SCAMP1: variants seen among roughly 807,000 people sequenced by gnomAD.
SCAMP1 encodes secretory carrier membrane protein 1, also known as secretory carrier-associated membrane protein 1.
A neutral mutation model predicts 41.8 loss-of-function variants in SCAMP1; 15 were observed. That is an observed-to-expected ratio of 0.36 (90% CI 0.24 to 0.55). The LOEUF is 0.55. Ranked by LOEUF, SCAMP1 falls within the 20% of genes least tolerant of loss-of-function variation. SCAMP1 has a pLI of 0.86. For synonymous variants in SCAMP1, 135 were observed against 136.8 expected (o/e 0.99, Z 0.09); for missense variants, 341 against 412.6 (o/e 0.83, Z 1.50).
chr5:78,475,795 A>G lies in SCAMP1; in HGVS notation c.*127A>G, dbSNP rs987702537. On this transcript the variant is annotated 3_prime_UTR_variant, in exon 9 of 9. Coordinates refer to ENST00000621999, the MANE Select transcript of SCAMP1 (RefSeq NM_004866.6). ...ATGGATATTTCCTGTTCACTTGTGC[A>G]TGGGCTAAAACCAGGAAAACTTCCT... 2.1e-5 allele frequency: 14 copies of G among 677,330 alleles called. No homozygotes were observed. The highest frequency in any genetic ancestry group is 1.2e-4 in the Admixed American group (3 of 24,150). The allele number at this position is 677,330 out of a possible 1,614,324, so 42.0% of individuals were successfully genotyped here. A position where few individuals can be genotyped will look rare whatever the true frequency, so the allele number is the denominator to read the frequency against.
At chr5:78,453,740 T>G (rs978078440) in intron 7 of SCAMP1, among the ~76,000 whole-genome samples, 77 of 152,310 alleles carry the variant, frequency 5.1e-4, no homozygotes, top group African/African-American at 1.2e-3. Flanking sequence ...TTGGTAGCTT[T>G]ATGGCGATGG....
chr5:78,398,685 A>G (rs551997160), intron 2 of SCAMP1, among the ~76,000 whole-genome samples: 7 of 151,212 alleles, frequency 4.6e-5, no homozygotes, highest in Non-Finnish European at 1.0e-4. Flanking sequence ...CTGGGATTAC[A>G]GGTTTGCGCC....
At chr5:78,458,890 G>A (rs1252854220) in intron 7 of SCAMP1, among the ~76,000 whole-genome samples, 4 of 152,108 alleles carry the variant, frequency 2.6e-5, no homozygotes, top group Admixed American at 2.0e-4. Flanking sequence ...AAAAAAAAGA[G>A]TAATAATAAA....
chr5:78,383,225 A>G (rs1300411061), intron 1 of SCAMP1, among the ~76,000 whole-genome samples: 1 of 152,082 alleles, frequency 6.6e-6, no homozygotes, highest in East Asian at 1.9e-4. Flanking sequence ...TTTATGGGCC[A>G]TTTGTACATC....
At chr5:78,449,010 A>G (rs925687474) in intron 6 of SCAMP1, among the ~76,000 whole-genome samples, 3 of 151,906 alleles carry the variant, frequency 2.0e-5, no homozygotes, top group African/African-American at 7.3e-5. Flanking sequence ...CAAAAAAAAA[A>G]AAGAAAATGT....
At chr5:78,437,390 A>G (rs1346030992) in intron 6 of SCAMP1, among the ~76,000 whole-genome samples, 1 of 152,248 alleles carries the variant, frequency 6.6e-6, no homozygotes, top group African/African-American at 2.4e-5. Flanking sequence ...ATGTCCCATC[A>G]ATACCTAGTT....
At chr5:78,363,897 T>C (rs1750727135) in intron 1 of SCAMP1, among the ~76,000 whole-genome samples, 4 of 152,304 alleles carry the variant, frequency 2.6e-5, no homozygotes, top group South Asian at 2.1e-4. Context: ...ATGGCTTTCA[T>C]TGCGCATCAA....
At chr5:78,460,788 CCTTCCTT>C (rs1753574127) in intron 8 of SCAMP1, among the ~76,000 whole-genome samples, 8 of 33,858 alleles carry the variant, frequency 2.4e-4, no homozygotes, top group Admixed American at 7.3e-4. Flanking sequence ...TTCCTTCCTT[CCTTCCTT>C]CCTTCCTTCC....
chr5:78,417,501 CTATGAGAGT>C (rs1347481400), intron 4 of SCAMP1, among the ~76,000 whole-genome samples: 5 of 152,180 alleles, frequency 3.3e-5, no homozygotes, highest in African/African-American at 1.2e-4. Context: ...CAAACTATTT[CTATGAGAGT>C]TATGTTAGTA....
chr5:78,452,030 A>G (rs1378670768), intron 7 of SCAMP1, among the ~76,000 whole-genome samples: 1 of 152,232 alleles, frequency 6.6e-6, no homozygotes, highest in Non-Finnish European at 1.5e-5. Flanking sequence ...GTTGAAGGGC[A>G]TCAGTATTGT....
intron 6 of SCAMP1, among the ~76,000 whole-genome samples, chr5:78,441,797 T>C (rs192188129): frequency 2.0e-5 from 3 of 152,280 alleles, no homozygotes; most frequent in African/African-American, 7.2e-5. Flanking sequence ...ATTGAGCCAC[T>C]GCACTCCAGC....
At chr5:78,440,870 C>G (rs1225263580) in intron 6 of SCAMP1, among the ~76,000 whole-genome samples, 3 of 152,218 alleles carry the variant, frequency 2.0e-5, no homozygotes, top group Non-Finnish European at 4.4e-5. Context: ...GTTCGAGCTT[C>G]CCAGCAGCTT....
chr5:78,391,600 G>A (rs947783178), intron 2 of SCAMP1, among the ~76,000 whole-genome samples: 3 of 152,260 alleles, frequency 2.0e-5, no homozygotes, highest in Admixed American at 6.5e-5. Flanking sequence ...CTTCCCACAC[G>A]GGGTGGCGGC....
intron 3 of SCAMP1, 93 bp downstream of exon 3, chr5:78,415,711 T>A: frequency 1.3e-6 from 1 of 763,944 alleles, no homozygotes; most frequent in Non-Finnish European, 2.1e-6. Context: ...TATGGTTACA[T>A]TTCTGTTGCT....
intron 8 of SCAMP1, among the ~76,000 whole-genome samples, chr5:78,467,063 G>A (rs1263730156): frequency 6.6e-6 from 1 of 152,104 alleles, no homozygotes; most frequent in Non-Finnish European, 1.5e-5. Flanking sequence ...TTGAATTTGG[G>A]GAGTTTAAAT....
intron 1 of SCAMP1, among the ~76,000 whole-genome samples, chr5:78,385,192 C>T (rs1751312409): frequency 6.6e-6 from 1 of 152,046 alleles, no homozygotes; most frequent in Non-Finnish European, 1.5e-5. Context: ...TGTATATTTC[C>T]AGGAATTTAT....
intron 2 of SCAMP1, among the ~76,000 whole-genome samples, chr5:78,411,674 G>A (rs956343114): frequency 2.6e-5 from 4 of 151,960 alleles, no homozygotes; most frequent in African/African-American, 9.7e-5. Flanking sequence ...CATTTCTTCT[G>A]TTGTGTTGGA....
intron 6 of SCAMP1, among the ~76,000 whole-genome samples, chr5:78,440,553 T>C (rs544307267): frequency 3.2e-4 from 49 of 152,338 alleles, no homozygotes; most frequent in African/African-American, 1.2e-3. Flanking sequence ...TGTTGCTGCC[T>C]GATCCTTCCT....
At chr5:78,425,425 T>C (rs975210197) in intron 6 of SCAMP1, among the ~76,000 whole-genome samples, 1 of 152,234 alleles carries the variant, frequency 6.6e-6, no homozygotes, top group Non-Finnish European at 1.5e-5. Flanking sequence ...TAATTTTTGC[T>C]CATTCTCTAG....
Sources: gnomAD v4.1 joint callset for allele counts (sites outside exome capture counted in the v4.1 genomes callset) on GRCh38, gnomAD v4.1.1 for gene constraint, MANE v1.5 for transcripts, NCBI Gene and HGNC (gene_info 2026-07-23, HGNC 2026-07-21) for gene names.